The following ACTN1 variants were observed in gnomAD, a reference collection of about 807,000 sequenced individuals.
The protein encoded by ACTN1 is actinin alpha 1.
Under a neutral mutation model 119.6 loss-of-function variants are expected in ACTN1, and 30 were observed. That is an observed-to-expected ratio of 0.25 (90% confidence interval 0.19 to 0.34). The LOEUF (loss-of-function observed/expected upper bound fraction) is 0.34, where lower values mean the gene tolerates loss of function less well. Ranked by LOEUF, ACTN1 falls within the 10% of genes least tolerant of loss-of-function variation. ACTN1 has a pLI of 1.00. For missense variants in ACTN1, 764 were observed against 1,223.4 expected (o/e 0.62, Z 5.60); for synonymous variants, 429 against 472.6 (o/e 0.91, Z 1.20).
intron 1 of ACTN1, among the ~76,000 whole-genome samples, chr14:68,937,951 T>C (rs1326453292): frequency 4.6e-5 from 7 of 152,234 alleles, no homozygotes; most frequent in Non-Finnish European, 1.0e-4. Context: ...AAGACGTTAC[T>C]GAGGTGCAGC....
chr14:68,888,129 CA>C, intron 11 of ACTN1: 1 of 588,796 alleles, frequency 1.7e-6, no homozygotes, highest in Non-Finnish European at 3.2e-6. Context: ...CGGGCCGCGG[CA>C]TGCTGACAGC....
Position 68,909,330 on chromosome 14 carries a change from C to G in ACTN1, c.582G>C (p.Gly194=), listed in dbSNP as rs569122403. The change falls in exon 6 of 22, where the codon GGG becomes GGC. Residue 194 remains glycine (G), a synonymous_variant. Transcript: ENST00000394419. This position sits in a 1 kb window ranked among gnomAD's most constrained non-coding sequence, Gnocchi z 4.1. Reference sequence around the variant, plus strand: ...TGGGCACACATACCTTCCGCAGCTTCCCGTAGTCAATCAGCTCGGGCCGGT... The same window carrying G: ...TGGGCACACATACCTTCCGCAGCTTGCCGTAGTCAATCAGCTCGGGCCGGT... The part of the protein sequence containing the change: ...HRHRPELIDY[G]KLRKDDPLTN... 3.2e-5 allele frequency: 51 copies of G among 1,614,036 alleles called. No homozygotes were observed. Among genetic ancestry groups the G allele is most frequent in the Non-Finnish European group, 4.3e-5 (51 of 1,179,978 alleles).
intron 4 of ACTN1, among the ~76,000 whole-genome samples, chr14:68,911,864 T>C (rs2034031147): frequency 6.6e-6 from 1 of 152,192 alleles, no homozygotes; most frequent in Non-Finnish European, 1.5e-5. Context: ...CCCTTTCAGA[T>C]TAACAACCCA....
At chr14:68,919,035 G>A (rs1472213914) in intron 3 of ACTN1, among the ~76,000 whole-genome samples, 1 of 152,232 alleles carries the variant, frequency 6.6e-6, no homozygotes, top group Non-Finnish European at 1.5e-5. Context: ...TAGCAACACA[G>A]AGCGGGTACT....
intron 1 of ACTN1, among the ~76,000 whole-genome samples, chr14:68,953,259 G>A (rs2268975): frequency 0.13 from 20,221 of 152,076 alleles, 1,570 homozygotes; most frequent in Middle Eastern, 0.24. Context: ...CCCCAATGCC[G>A]GGCTGGTTGT....
chr14:68,977,809 C>CCA (rs59745876), intron 1 of ACTN1: 1 of 368,500 alleles, frequency 2.7e-6, no homozygotes, highest in African/African-American at 2.1e-5. Context: ...GTCCCCCCCC[C>CCA]ACCCAAAACC....
chr14:68,896,201 T>C (rs1229059959), intron 8 of ACTN1, among the ~76,000 whole-genome samples: 1 of 152,098 alleles, frequency 6.6e-6, no homozygotes. Context: ...CCAGATTTGA[T>C]TTTTCTAAAA....
intron 10 of ACTN1, among the ~76,000 whole-genome samples, chr14:68,891,539 T>C (rs1315148715): frequency 6.6e-6 from 1 of 152,176 alleles, no homozygotes; most frequent in African/African-American, 2.4e-5. Flanking sequence ...AGGATTAAAA[T>C]CATTTTTTTT....
chr14:68,931,079 G>A (rs947116865), intron 1 of ACTN1, among the ~76,000 whole-genome samples: 3 of 152,196 alleles, frequency 2.0e-5, no homozygotes, highest in Admixed American at 1.3e-4. Flanking sequence ...CCCGAATGAC[G>A]TGGATTTCAG....
At chr14:68,911,454 G>A (rs1346835204) in intron 4 of ACTN1, among the ~76,000 whole-genome samples, 1 of 152,158 alleles carries the variant, frequency 6.6e-6, no homozygotes, top group Non-Finnish European at 1.5e-5. Context: ...CTGCATCACA[G>A]AGTGTCACAC....
At chr14:68,973,409 T>C (rs1054180329) in intron 1 of ACTN1, among the ~76,000 whole-genome samples, 2 of 152,198 alleles carry the variant, frequency 1.3e-5, no homozygotes, top group Non-Finnish European at 2.9e-5. Context: ...AATGGTTTTA[T>C]ATGGGGCTTT....
rs1273864544 is a variant in ACTN1, at chr14:68,879,920, G to T, written c.2280+42C>A. On this transcript the variant is annotated intron_variant, in intron 18 of 21. Transcript: ENST00000394419. The surrounding 1 kb of genome is among the most constrained non-coding windows in gnomAD (Gnocchi z 4.9). Reference sequence around the variant, plus strand: ...GTGCCCTCCAGGGCCCTGGGGCAGGGGTTGGGGGCTGCACTAAGAAAGCAC... The same window carrying T: ...GTGCCCTCCAGGGCCCTGGGGCAGGTGTTGGGGGCTGCACTAAGAAAGCAC... The T allele has an allele frequency of 1.2e-6, 2 of 1,606,408 alleles. No homozygotes were observed. Among genetic ancestry groups the T allele is most frequent in the African/African-American group, 2.7e-5 (2 of 74,806 alleles).
At chr14:68,947,527 C>T (rs1326769176) in intron 1 of ACTN1, 8 of 152,310 alleles carry the variant, frequency 5.3e-5, no homozygotes, top group African/African-American at 1.7e-4. Context: ...TGCCTCCACA[C>T]CAGTGCTGCT....
Position 68,925,318 on chromosome 14 carries a change from CTT to C in ACTN1, c.220+238_220+239del, listed in dbSNP as rs36108835. ...GAAGGAACCTCAGTTCCTTCAAACC[CTT>C]TTTTTTTTTTTTTTTTTTTTTAAAA... On this transcript the variant is annotated intron_variant, in intron 2 of 21. Transcript: ENST00000394419. This position sits in a 1 kb window ranked among gnomAD's most constrained non-coding sequence, Gnocchi z 4.3. Among the ~76,000 whole-genome samples, 2,280 of 121,218 alleles carry C rather than the reference CTT, an allele frequency of 0.019. 60 individuals carry two copies. Among genetic ancestry groups the C allele is most frequent in the African/African-American group, 0.057 (1,881 of 33,140 alleles). The allele number at this position is 121,218 out of a possible 152,430, so 79.5% of individuals were successfully genotyped here.
At chr14:68,948,423 C>G (rs1414543964) in intron 1 of ACTN1, among the ~76,000 whole-genome samples, 1 of 152,108 alleles carries the variant, frequency 6.6e-6, no homozygotes, top group Non-Finnish European at 1.5e-5. Context: ...ACTAAAAATA[C>G]AAAAATTAGC....
At chr14:68,922,827 T>C (rs2034722306) in intron 2 of ACTN1, among the ~76,000 whole-genome samples, 1 of 152,228 alleles carries the variant, frequency 6.6e-6, no homozygotes, top group Admixed American at 6.5e-5. Flanking sequence ...AAATCTGCAT[T>C]TTGACAGGCA....
intron 1 of ACTN1, among the ~76,000 whole-genome samples, chr14:68,944,866 G>A (rs1157913246): frequency 6.6e-6 from 1 of 151,168 alleles, no homozygotes; most frequent in South Asian, 2.1e-4. Context: ...CACGTGTGTG[G>A]GGCGGGTAGC....
At chr14:68,935,099 T>C (rs1018412286) in intron 1 of ACTN1, among the ~76,000 whole-genome samples, 6 of 152,234 alleles carry the variant, frequency 3.9e-5, no homozygotes, top group African/African-American at 1.4e-4. Context: ...CTCCGCTCAC[T>C]GCAACCTCCA....
intron 3 of ACTN1, among the ~76,000 whole-genome samples, chr14:68,912,667 A>T (rs983602690): frequency 1.3e-5 from 2 of 152,154 alleles, no homozygotes; most frequent in Admixed American, 6.5e-5. Context: ...ATGAGCTACC[A>T]TGCCTGGCCT....
Sources: allele counts gnomAD v4.1 joint callset (sites outside exome capture counted in the v4.1 genomes callset), GRCh38; gene constraint gnomAD v4.1.1; non-coding constraint Gnocchi (gnomAD v3.1); transcripts MANE v1.5; gene names NCBI Gene and HGNC (gene_info 2026-07-23, HGNC 2026-07-21).